Variants in SH3KBP1 observed in about 807,000 individuals in gnomAD.
The protein encoded by SH3KBP1 is SH3 domain containing kinase binding protein 1.
A neutral mutation model predicts 50.1 loss-of-function variants in SH3KBP1; 8 were observed. The ratio of observed to expected loss-of-function variants is 0.16; its 90% CI spans 0.09 to 0.29. SH3KBP1 has a LOEUF of 0.29. SH3KBP1 is among the 10% of genes least tolerant of loss of function. The pLI is 1.00. For missense variants in SH3KBP1, 377 were observed against 535.2 expected (o/e 0.70, Z 2.92); for synonymous variants, 227 against 218.6 (o/e 1.04, Z -0.34).
chrX:19,604,128 G>C (rs1386868868), intron 9 of SH3KBP1, among the ~76,000 whole-genome samples: 1 of 111,740 alleles, frequency 8.9e-6, no homozygotes, highest in Non-Finnish European at 1.9e-5. Flanking sequence ...CACACACACT[G>C]CTTCATTAGA....
chrX:19,555,923 T>G (rs1346088562), intron 13 of SH3KBP1, among the ~76,000 whole-genome samples: 1 of 111,775 alleles, frequency 8.9e-6, no homozygotes, highest in Non-Finnish European at 1.9e-5. Context: ...ATCTCGGCAT[T>G]TAGTGCCCTG....
At chrX:19,567,273 C>T (rs74977782) in intron 13 of SH3KBP1, among the ~76,000 whole-genome samples, 1 of 107,609 alleles carries the variant, frequency 9.3e-6, no homozygotes, top group South Asian at 4.1e-4. Flanking sequence ...AATCCCGGAA[C>T]TTTGGGAGGC....
chrX:19,848,364 G>A (rs190939310), intron 1 of SH3KBP1, among the ~76,000 whole-genome samples: 1 of 112,247 alleles, frequency 8.9e-6, no homozygotes, highest in East Asian at 2.8e-4. Context: ...GGCAACATGA[G>A]CATGATTAAC....
intron 2 of SH3KBP1, among the ~76,000 whole-genome samples, chrX:19,767,253 T>C (rs1050312180): frequency 8.9e-6 from 1 of 111,933 alleles, no homozygotes; most frequent in African/African-American, 3.3e-5. Context: ...ACCAACTTGA[T>C]CATAAGAAAT....
chrX:19,838,886 C>CAAAAAAAAAAAAAAAAAAAAAAAA (rs1187740894), intron 1 of SH3KBP1, among the ~76,000 whole-genome samples: 1 of 30,074 alleles, frequency 3.3e-5, no homozygotes, highest in Non-Finnish European at 7.2e-5. Flanking sequence ...AACTTTGTCT[C>CAAAAAAAAAAAAAAAAAAAAAAAA]AAAAAAAAAA....
chrX:19,831,589 C>T (rs748710300), intron 2 of SH3KBP1, among the ~76,000 whole-genome samples: 4 of 106,979 alleles, frequency 3.7e-5, no homozygotes, highest in Non-Finnish European at 7.7e-5. Flanking sequence ...GTAGGGAGTT[C>T]GAGACCAGCC....
intron 8 of SH3KBP1, among the ~76,000 whole-genome samples, chrX:19,622,491 C>T (rs1290610797): frequency 1.8e-5 from 2 of 112,387 alleles, no homozygotes; most frequent in African/African-American, 6.5e-5. Context: ...ATTTATGTAG[C>T]AGCTATTAGG....
chrX:19,562,302 C>T (rs779135523), intron 13 of SH3KBP1, among the ~76,000 whole-genome samples: 136 of 111,341 alleles, frequency 1.2e-3, no homozygotes, highest in Non-Finnish European at 2.2e-3. Context: ...GAAGCCATAA[C>T]TGGGCTCTGC....
intron 9 of SH3KBP1, among the ~76,000 whole-genome samples, chrX:19,602,605 A>G (rs2067122830): frequency 8.9e-6 from 1 of 112,551 alleles, no homozygotes; most frequent in Non-Finnish European, 1.9e-5. Context: ...TTAGAAGCAC[A>G]TATTTCTTTC....
intron 6 of SH3KBP1, among the ~76,000 whole-genome samples, chrX:19,675,084 A>C (rs2062894371): frequency 9.1e-6 from 1 of 109,362 alleles, no homozygotes; most frequent in African/African-American, 3.3e-5. Context: ...GCCTCAAATA[A>C]ATAAATAAAT....
At chrX:19,588,202 C>A in intron 12 of SH3KBP1, 1 of 485,757 alleles carries the variant, frequency 2.1e-6, no homozygotes, top group Non-Finnish European at 3.1e-6. Context: ...GGAGCCTGGG[C>A]TATGGAAAGA....
At chrX:19,735,970 C>T (rs989877488) in intron 3 of SH3KBP1, among the ~76,000 whole-genome samples, 3 of 110,997 alleles carry the variant, frequency 2.7e-5, no homozygotes, top group Non-Finnish European at 3.8e-5. Flanking sequence ...GTGATCCACC[C>T]GCCTCGGCCT....
At chrX:19,740,413 T>G (rs1274053319) in intron 3 of SH3KBP1, among the ~76,000 whole-genome samples, 1 of 112,212 alleles carries the variant, frequency 8.9e-6, no homozygotes, top group African/African-American at 3.2e-5. Context: ...CACTGCCAGA[T>G]CGCCAGATTT....
intron 3 of SH3KBP1, among the ~76,000 whole-genome samples, chrX:19,731,270 G>A: frequency 8.9e-6 from 1 of 112,513 alleles, no homozygotes; most frequent in Non-Finnish European, 1.9e-5. Flanking sequence ...TTGGGCAAAA[G>A]GGTAAAATCA....
chrX:19,600,093 C>G (rs866807804), intron 9 of SH3KBP1, among the ~76,000 whole-genome samples: 1 of 49,655 alleles, frequency 2.0e-5, no homozygotes, highest in African/African-American at 1.2e-4. Context: ...GAGACTCCGT[C>G]TCAAAAAAAA....
At chrX:19,710,496 TAAG>T (rs1361403393) in intron 3 of SH3KBP1, among the ~76,000 whole-genome samples, 2 of 112,074 alleles carry the variant, frequency 1.8e-5, no homozygotes, top group Non-Finnish European at 3.8e-5. Context: ...CACACCATCA[TAAG>T]AAGGCTAAGT....
intron 9 of SH3KBP1, among the ~76,000 whole-genome samples, chrX:19,603,232 C>T: frequency 8.9e-6 from 1 of 112,118 alleles, no homozygotes; most frequent in East Asian, 2.8e-4. Context: ...CCTGCCAGAC[C>T]CTTGGTAAGA....
In SH3KBP1 at chrX:19,617,843, A is replaced by G. The variant is rs146365666; in HGVS notation, c.898-9798T>C. On this transcript the variant is annotated intron_variant, in intron 8 of 17. Coordinates refer to ENST00000397821, the MANE Select transcript of SH3KBP1 (RefSeq NM_031892.3). The stretch of plus-strand genomic sequence containing the variant: ...TCACCACCCTACCCTCACAGCACAT[A>G]GGTGAGGAAATGCTACAGAAGTAAC... 5.5e-3 allele frequency among the ~76,000 whole-genome samples: 614 copies of G among 112,110 alleles called. 7 individuals are homozygous for G. Among genetic ancestry groups the G allele is most frequent in the African/African-American group, 0.019 (598 of 30,893 alleles).
At chrX:19,603,976 C>G (rs191341065) in intron 9 of SH3KBP1, among the ~76,000 whole-genome samples, 1 of 111,925 alleles carries the variant, frequency 8.9e-6, no homozygotes, top group African/African-American at 3.2e-5. Flanking sequence ...GCATGAACCA[C>G]CACACTGGCC....
Sources: gnomAD v4.1 joint callset for allele counts (sites outside exome capture counted in the v4.1 genomes callset) on GRCh38, gnomAD v4.1.1 for gene constraint, MANE v1.5 for transcripts, NCBI Gene and HGNC (gene_info 2026-07-23, HGNC 2026-07-21) for gene names.